Variants in PLD5 observed in about 807,000 individuals in gnomAD.
PLD5 encodes the protein phospholipase D family member 5.
A neutral mutation model predicts 61.1 loss-of-function variants in PLD5; 36 were observed. That is an observed-to-expected ratio of 0.59 (90% CI 0.45 to 0.78). The LOEUF (loss-of-function observed/expected upper bound fraction) is 0.78. Among genes scored for constraint, PLD5 ranks in the 30% least tolerant of loss-of-function variants. The pLI is 0.00. For synonymous variants in PLD5, 243 were observed against 242.8 expected (o/e 1.00, Z -0.01); for missense variants, 515 against 644.4 (o/e 0.80, Z 2.17).
At chr1:242,307,362 GTGATGATGATGA>G (rs71176746) in intron 2 of PLD5, among the ~76,000 whole-genome samples, 1 of 149,234 alleles carries the variant, frequency 6.7e-6, no homozygotes, top group African/African-American at 2.5e-5. Flanking sequence ...GATGATGATG[GTGATGATGATGA>G]TGATGATGAT....
chr1:242,295,106 G>T (rs534231929), intron 2 of PLD5, among the ~76,000 whole-genome samples: 5 of 152,076 alleles, frequency 3.3e-5, no homozygotes, highest in South Asian at 2.1e-4. Context: ...CAAGTGATGG[G>T]GTTTTTTTAC....
rs535117159 is a variant in PLD5, at chr1:242,477,731, A to G, written c.189+46357T>C. Among the ~76,000 whole-genome samples the G allele has an allele frequency of 6.9e-4, 105 of 152,320 alleles. 1 individual carries two copies. Among genetic ancestry groups the G allele is most frequent in the African/African-American group, 2.5e-3 (102 of 41,580 alleles). Reference sequence around the variant, plus strand: ...CAGGTGGACAGGTGAGCCAAGGATCAGGGCATCAGGTTCAGTATAAGCAAA... The same window carrying G: ...CAGGTGGACAGGTGAGCCAAGGATCGGGGCATCAGGTTCAGTATAAGCAAA... On this transcript the variant is annotated intron_variant, in intron 1 of 9. Transcript: ENST00000536534.
At chr1:242,262,407 T>C (rs1033094254) in intron 4 of PLD5, among the ~76,000 whole-genome samples, 2 of 152,206 alleles carry the variant, frequency 1.3e-5, no homozygotes, top group African/African-American at 2.4e-5. Context: ...GTGAAATTCA[T>C]TGAGCTATAT....
chr1:242,419,231 C>T (rs746852497), intron 1 of PLD5, among the ~76,000 whole-genome samples: 8 of 152,142 alleles, frequency 5.3e-5, no homozygotes, highest in South Asian at 4.1e-4. Context: ...GCCTGCGTGA[C>T]GTTTCTCATG....
intron 5 of PLD5, among the ~76,000 whole-genome samples, chr1:242,141,128 C>G (rs966583824): frequency 6.6e-6 from 1 of 152,130 alleles, no homozygotes; most frequent in Non-Finnish European, 1.5e-5. Flanking sequence ...GAACAGCTGG[C>G]TCCTTCCTTT....
intron 1 of PLD5, among the ~76,000 whole-genome samples, chr1:242,470,422 A>T (rs1667416900): frequency 6.6e-6 from 1 of 151,920 alleles, no homozygotes. Context: ...GTAGAATCCT[A>T]CTGGCCTGGG....
At chr1:242,238,363 C>G (rs1192439844) in intron 4 of PLD5, among the ~76,000 whole-genome samples, 1 of 152,200 alleles carries the variant, frequency 6.6e-6, no homozygotes, top group African/African-American at 2.4e-5. Flanking sequence ...TACTCTGCAT[C>G]CATTGCCCCG....
rs1003854827 is a variant in PLD5 at position 242,256,919 on chromosome 1, C to T, written c.607+8418G>A. ...TCTCTTTCTTTTTTCATCTATCTAT[C>T]TATCTATCTATCTAATCTATCTCTA... On this transcript the variant is annotated intron_variant, in intron 4 of 9. Coordinates refer to ENST00000536534, the MANE Select transcript of PLD5 (RefSeq NM_001372062.1). This position sits in a 1 kb window ranked among gnomAD's most constrained non-coding sequence, Gnocchi z 5.7. 8.6e-6 allele frequency among the ~76,000 whole-genome samples: 1 copy of T among 116,930 alleles called. No individual in the cohort carries two copies. The highest frequency in any genetic ancestry group is 3.9e-5 in the African/African-American group (1 of 25,668). 76.7% of individuals were successfully genotyped at this position (116,930 alleles called of 152,430 possible).
At chr1:242,342,391 C>T (rs996576645) in intron 2 of PLD5, among the ~76,000 whole-genome samples, 8 of 152,202 alleles carry the variant, frequency 5.3e-5, no homozygotes, top group African/African-American at 1.7e-4. Flanking sequence ...AATTGAGCAG[C>T]ACCTGGAGCT....
intron 1 of PLD5, among the ~76,000 whole-genome samples, chr1:242,402,663 A>G (rs1003832694): frequency 6.6e-6 from 1 of 152,198 alleles, no homozygotes; most frequent in South Asian, 2.1e-4. Context: ...ATGCTCACAT[A>G]ATTTTTCTCT....
chr1:242,334,068 G>A (rs1659357325), intron 2 of PLD5, among the ~76,000 whole-genome samples: 1 of 152,114 alleles, frequency 6.6e-6, no homozygotes, highest in East Asian at 1.9e-4. Context: ...TTAGTTTCCT[G>A]AGGAACTTCC....
At chr1:242,494,282 G>A (rs1367333478) in intron 1 of PLD5, among the ~76,000 whole-genome samples, 1 of 152,046 alleles carries the variant, frequency 6.6e-6, no homozygotes, top group African/African-American at 2.4e-5. Context: ...CGCCTGTTCT[G>A]TACACCAGGC....
At chr1:242,143,561 C>T (rs1317261922) in intron 5 of PLD5, among the ~76,000 whole-genome samples, 3 of 152,162 alleles carry the variant, frequency 2.0e-5, no homozygotes, top group Non-Finnish European at 4.4e-5. Flanking sequence ...AGGACATTCC[C>T]AGCAGAAAAA....
intron 2 of PLD5, among the ~76,000 whole-genome samples, chr1:242,295,161 G>A (rs960900833): frequency 6.6e-6 from 1 of 151,982 alleles, no homozygotes; most frequent in Non-Finnish European, 1.5e-5. Context: ...TAGATTCAGG[G>A]GTACACACGC....
chr1:242,122,706 T>A (rs976638393), intron 6 of PLD5, among the ~76,000 whole-genome samples: 2 of 152,240 alleles, frequency 1.3e-5, no homozygotes, highest in Non-Finnish European at 2.9e-5. Flanking sequence ...AATGTTATTT[T>A]ACCTCCAGCT....
intron 1 of PLD5, among the ~76,000 whole-genome samples, chr1:242,521,878 T>G (rs1392249500): frequency 2.0e-5 from 3 of 152,196 alleles, no homozygotes; most frequent in Non-Finnish European, 4.4e-5. Context: ...ATCTCAAACA[T>G]TAATTTCTAT....
intron 5 of PLD5, among the ~76,000 whole-genome samples, chr1:242,198,923 G>A (rs1453702988): frequency 6.6e-6 from 1 of 151,716 alleles, no homozygotes; most frequent in African/African-American, 2.4e-5. Context: ...TAGTACAGAC[G>A]GGGTTTCTCC....
At chr1:242,372,392 C>CA (rs1168306866) in intron 1 of PLD5, among the ~76,000 whole-genome samples, 1 of 152,074 alleles carries the variant, frequency 6.6e-6, no homozygotes, top group Admixed American at 6.6e-5. Flanking sequence ...GATTCAATGC[C>CA]ATCCCCATCA....
intron 1 of PLD5, among the ~76,000 whole-genome samples, chr1:242,469,452 T>C (rs1354297566): frequency 6.6e-6 from 1 of 152,244 alleles, no homozygotes; most frequent in Non-Finnish European, 1.5e-5. Context: ...CTCTGGATTC[T>C]GAATTTCACC....
Sources: gnomAD v4.1 joint callset for allele counts (sites outside exome capture counted in the v4.1 genomes callset) on GRCh38, gnomAD v4.1.1 for gene constraint, Gnocchi (gnomAD v3.1) non-coding constraint, MANE v1.5 for transcripts, NCBI Gene and HGNC (gene_info 2026-07-23, HGNC 2026-07-21) for gene names.